SLC12A7: variants seen among roughly 807,000 people sequenced by gnomAD.
The protein encoded by SLC12A7 is solute carrier family 12 member 7.
In SLC12A7, 100 loss-of-function variants were observed where a neutral mutation model predicts 120.6. That is an observed-to-expected ratio of 0.83 (90% CI 0.71 to 0.98). SLC12A7 has a LOEUF of 0.98. Ranked by LOEUF, SLC12A7 falls within the 50% of genes least tolerant of loss-of-function variation. SLC12A7 has a pLI of 0.00. For missense variants in SLC12A7, 1,373 were observed against 1,548.1 expected (o/e 0.89, Z 1.90); for synonymous variants, 760 against 678.0 (o/e 1.12, Z -1.88).
intron 17 of SLC12A7, among the ~76,000 whole-genome samples, chr5:1,068,182 C>T (rs1347292561): frequency 6.6e-6 from 1 of 152,242 alleles, no homozygotes; most frequent in African/African-American, 2.4e-5. Flanking sequence ...CACCTGTAAT[C>T]CCAGCACTTT....
chr5:1,126,345 TC>T, the SLC12A7 span, among the ~76,000 whole-genome samples: 1 of 152,230 alleles, frequency 6.6e-6, no homozygotes, highest in Non-Finnish European at 1.5e-5. Flanking sequence ...CGCCTCGGCC[TC>T]CCAAAGTGCT....
chr5:1,113,808 G>A (rs1360638555), upstream of SLC12A7, among the ~76,000 whole-genome samples: 1 of 152,214 alleles, frequency 6.6e-6, no homozygotes. Flanking sequence ...CACTTAGGGT[G>A]CTGGGTAAAC....
intron 21 of SLC12A7, among the ~76,000 whole-genome samples, chr5:1,060,020 C>G (rs1036640279): frequency 1.3e-5 from 2 of 152,230 alleles, no homozygotes; most frequent in Non-Finnish European, 2.9e-5. Context: ...CCTGCCTGCA[C>G]GCTGCTCGGT....
At chr5:1,074,229 A>G (rs1738064254) in intron 16 of SLC12A7, among the ~76,000 whole-genome samples, 1 of 151,490 alleles carries the variant, frequency 6.6e-6, no homozygotes, top group South Asian at 2.1e-4. Context: ...TGAGGGGACA[A>G]TGGCCCGGGG....
At chr5:1,077,731 G>A (rs528674593) in intron 12 of SLC12A7, 102 bp downstream of exon 12, 19 of 1,239,646 alleles carry the variant, frequency 1.5e-5, no homozygotes, top group East Asian at 1.1e-4. Context: ...GGTCCAAGCC[G>A]CGGGCATGCG....
At chr5:1,078,182 T>A (rs1309450720) in intron 11 of SLC12A7, among the ~76,000 whole-genome samples, 175 bp from the exon 12 acceptor site, 1 of 152,136 alleles carries the variant, frequency 6.6e-6, no homozygotes, top group African/African-American at 2.4e-5. Context: ...CTGCCCAGCA[T>A]GGCCAGAATG....
the SLC12A7 span, among the ~76,000 whole-genome samples, chr5:1,153,476 C>T: frequency 5.3e-5 from 8 of 152,180 alleles, no homozygotes; most frequent in African/African-American, 1.7e-4. Flanking sequence ...GCTGGGCACC[C>T]GGAGGAGAGG....
At chr5:1,093,382 T>C in intron 3 of SLC12A7, 151 bp downstream of exon 3, 1 of 780,622 alleles carries the variant, frequency 1.3e-6, no homozygotes, top group South Asian at 1.7e-5. Context: ...GCAGGCACCA[T>C]CGAGCCCTCC....
At chr5:1,141,239 C>T in the SLC12A7 span, among the ~76,000 whole-genome samples, 1 of 152,212 alleles carries the variant, frequency 6.6e-6, no homozygotes, top group African/African-American at 2.4e-5. Flanking sequence ...CAAATTCCCC[C>T]TTTTAATAAG....
chr5:1,094,815 AG>A (rs1221765035), intron 1 of SLC12A7, among the ~76,000 whole-genome samples: 1 of 152,078 alleles, frequency 6.6e-6, no homozygotes, highest in African/African-American at 2.4e-5. Flanking sequence ...TAGGTAAATG[AG>A]CCCCTCCTGA....
chr5:1,056,464 C>T (rs563420588), intron 22 of SLC12A7: 17 of 381,186 alleles, frequency 4.5e-5, no homozygotes, highest in South Asian at 2.1e-4. Context: ...CACAAGCCAC[C>T]GTGCACGGGG....
chr5:1,076,907 A>C (rs1738412659), intron 12 of SLC12A7, 95 bp from the exon 13 acceptor site: 3 of 855,598 alleles, frequency 3.5e-6, no homozygotes, highest in Non-Finnish European at 5.9e-6. Flanking sequence ...TGAATCTTAA[A>C]GACACAGACC....
intron 17 of SLC12A7, among the ~76,000 whole-genome samples, chr5:1,068,388 G>A (rs907421814): frequency 6.6e-6 from 1 of 152,090 alleles, no homozygotes; most frequent in African/African-American, 2.4e-5. Context: ...GAGCTGAGAC[G>A]GCGCCACTGC....
chr5:1,132,729 G>T, the SLC12A7 span, among the ~76,000 whole-genome samples: 1 of 152,130 alleles, frequency 6.6e-6, no homozygotes, highest in Non-Finnish European at 1.5e-5. Context: ...CCTAAGAGGC[G>T]TGTGCCCAGC....
chr5:1,080,647 G>A (rs1399875179), intron 9 of SLC12A7, among the ~76,000 whole-genome samples: 2 of 152,220 alleles, frequency 1.3e-5, no homozygotes, highest in South Asian at 2.1e-4. Context: ...GACAGCCGGG[G>A]GCGTGTGTGT....
chr5:1,051,159 A>G lies in SLC12A7; in HGVS notation c.*1201T>C, dbSNP rs953937638. 1.5e-5 allele frequency: 6 copies of G among 387,370 alleles called. No homozygotes were observed. Among genetic ancestry groups the G allele is most frequent in the African/African-American group, 1.0e-4 (5 of 48,452 alleles). 24.0% of individuals were successfully genotyped at this position (387,370 alleles called of 1,614,324 possible). ...AGAAACTCACAGCCAGCCGAAGTGC[A>G]AAGTGTTGGGCCCTTGAAAGCTATC... is the stretch of plus-strand genomic sequence containing the variant. On this transcript the variant is annotated 3_prime_UTR_variant, in exon 24 of 24. Coordinates refer to ENST00000264930, the MANE Select transcript of SLC12A7 (RefSeq NM_006598.3).
Position 1,053,488 on chromosome 5 carries a change from G to A in SLC12A7, c.3027-6C>T, listed in dbSNP as rs952643392. Reference sequence around the variant, plus strand: ...GCCTGACGTTGGACTGGTCCCTGCAGGGGAGGTGGGCACGGTCAGCGGGCG... The same window carrying A: ...GCCTGACGTTGGACTGGTCCCTGCAAGGGAGGTGGGCACGGTCAGCGGGCG... On this transcript the variant is annotated splice_polypyrimidine_tract_variant and splice_region_variant and intron_variant, in intron 22 of 23. Coordinates refer to ENST00000264930, the MANE Select transcript of SLC12A7 (RefSeq NM_006598.3). 1 of 1,612,938 alleles carries A rather than the reference G, an allele frequency of 6.2e-7. No individual in the cohort carries two copies. Among genetic ancestry groups the A allele is most frequent in the South Asian group, 1.1e-5 (1 of 91,010 alleles).
chr5:1,064,185 C>T lies in SLC12A7; in HGVS notation c.2505G>A (p.Pro835=), dbSNP rs200015076. Residue 835 remains proline, a synonymous_variant, in exon 19 of 24, where the codon CCG becomes CCA. Coordinates refer to ENST00000264930, the MANE Select transcript of SLC12A7 (RefSeq NM_006598.3). ...CCCCGCCGAAGCGCTCCTGGTTTTGCGGAAACGAGTCGACGTTCTTGGCCA... is the reference window on the plus strand; with the variant it reads ...CCCCGCCGAAGCGCTCCTGGTTTTGTGGAAACGAGTCGACGTTCTTGGCCA... ...LLVAKNVDSF[P]QNQERFGGGH... 94 of 1,612,342 alleles carry T rather than the reference C, an allele frequency of 5.8e-5. No homozygotes were observed. The African/African-American group carries it at 8.9e-4, about 15-fold the overall frequency.
the SLC12A7 span, among the ~76,000 whole-genome samples, chr5:1,149,340 G>A: frequency 2.0e-4 from 31 of 152,318 alleles, no homozygotes; most frequent in Admixed American, 1.7e-3. Flanking sequence ...ACTTTGGGAG[G>A]CCAAGGTGGG....
Sources: gnomAD v4.1 joint callset for allele counts (sites outside exome capture counted in the v4.1 genomes callset) on GRCh38, gnomAD v4.1.1 for gene constraint, MANE v1.5 for transcripts, NCBI Gene and HGNC (gene_info 2026-07-23, HGNC 2026-07-21) for gene names.